ZNF644: variants seen among roughly 807,000 people sequenced by gnomAD.
The protein encoded by ZNF644 is zinc finger motif enhancer binding protein 2.
A neutral mutation model predicts 108.0 loss-of-function variants in ZNF644; 20 were observed. The observed-to-expected ratio is 0.19, with a 90% CI of 0.13 to 0.27. The LOEUF (loss-of-function observed/expected upper bound fraction) is 0.27. ZNF644 is among the 10% of genes least tolerant of loss of function. The probability of loss-of-function intolerance (pLI) is 1.00; values close to 1 mark genes in which losing one functional copy is unlikely to be tolerated. For synonymous variants in ZNF644, 542 were observed against 539.1 expected, an observed-to-expected ratio of 1.01 and a Z score of -0.08; for missense variants, 1,338 against 1,548.9, an observed-to-expected ratio of 0.86 and a Z score of 2.29.
rs1033944711 is a variant in ZNF644 at position 90,938,493 on chromosome 1, T to C, written c.2861A>G (p.His954Arg). The change falls in exon 3 of 6, where the codon CAT (histidine) becomes CGT (arginine). Residue 954 changes from histidine to arginine, a missense_variant. This residue lies in a region of ZNF644 where 462 missense variants were observed against 472.6 expected (regional missense o/e 0.98). Coordinates refer to ENST00000337393, the MANE Select transcript of ZNF644 (RefSeq NM_201269.3). The surrounding 1 kb of genome is among the most constrained non-coding windows in gnomAD (Gnocchi z 4.2). Reference sequence around the variant, plus strand: ...CTTCTCAAGAGACAAATCAGTCCAATGAAAAACAGAACTATGCTTTGACAA... The same window carrying C: ...CTTCTCAAGAGACAAATCAGTCCAACGAAAAACAGAACTATGCTTTGACAA... Reference protein sequence around the residue: ...ASLSKHSSVFHWTDLSLEKKS... With the variant: ...ASLSKHSSVFRWTDLSLEKKS... The C allele has an allele frequency of 1.9e-6, 3 of 1,614,008 alleles. No homozygotes were observed. Among genetic ancestry groups the C allele is most frequent in the Non-Finnish European group, 2.5e-6 (3 of 1,179,926 alleles).
chr1:90,937,373 C>A, intron 4 of ZNF644, 112 bp downstream of exon 4: 31 of 1,422,614 alleles, frequency 2.2e-5, no homozygotes, highest in African/African-American at 8.7e-5. Flanking sequence ...AAAAAAAAAG[C>A]AGCTTAAACA....
At position 91,003,872 on chromosome 1, in the gene ZNF644, AAAGT is replaced by A. The variant is rs1659142232; in HGVS notation, c.-18+18114_-18+18117del. 3.9e-5 allele frequency among the ~76,000 whole-genome samples: 6 copies of A among 152,204 alleles called. No individual in the cohort carries two copies. In the South Asian group the frequency reaches 1.2e-3, roughly 32 times the overall value. ...AAACCCATGTCTAAAAAACTAAAAGAAAGTATGAGAATATCAATAAAAGATAAAA... is the reference window on the plus strand; with the variant it reads ...AAACCCATGTCTAAAAAACTAAAAGAATGAGAATATCAATAAAAGATAAAA... On this transcript the variant is annotated intron_variant, in intron 1 of 5. Coordinates refer to ENST00000337393, the MANE Select transcript of ZNF644 (RefSeq NM_201269.3).
At chr1:91,013,476 C>T (rs997542595) in intron 1 of ZNF644, among the ~76,000 whole-genome samples, 2 of 148,480 alleles carry the variant, frequency 1.3e-5, no homozygotes, top group Non-Finnish European at 3.0e-5. Context: ...CACACACACA[C>T]ACACACATAC....
intron 4 of ZNF644, among the ~76,000 whole-genome samples, chr1:90,930,664 AAG>A (rs1268963086): frequency 6.6e-6 from 1 of 152,240 alleles, no homozygotes; most frequent in Non-Finnish European, 1.5e-5. Context: ...TATAATAAAA[AAG>A]AAAATATTAA....
At chr1:90,943,408 T>A (rs1652204967) in intron 2 of ZNF644, among the ~76,000 whole-genome samples, 1 of 152,112 alleles carries the variant, frequency 6.6e-6, no homozygotes, top group Admixed American at 6.5e-5. Context: ...GCCATTGCAC[T>A]CCAGCCTGTG....
Position 90,940,528 on chromosome 1 carries a change from C to A in ZNF644, c.826G>T (p.Val276Leu). ...TTAGAATGAGGTGGAGCTTTATCTA[C>A]TGTTTCCTCATTAGTCATAAGAAAT... ...IQFLMTNEET[V>L]DKAPPHSKIG... Residue 276 changes from valine (V) to leucine (L), a missense_variant, in exon 3 of 6, where the codon GTA (valine) becomes TTA (leucine). Val to Leu is a conservative substitution (Grantham distance 32). Transcript: ENST00000337393. The A allele has an allele frequency of 6.2e-7, 1 of 1,613,804 alleles. No homozygotes were observed. The highest frequency in any genetic ancestry group is 1.1e-5 in the South Asian group (1 of 91,072).
intron 2 of ZNF644, among the ~76,000 whole-genome samples, chr1:90,976,314 C>T (rs937319249): frequency 6.6e-6 from 1 of 152,172 alleles, no homozygotes; most frequent in African/African-American, 2.4e-5. Context: ...GTATTGTGTT[C>T]ATCACTTGTA....
chr1:90,953,002 A>G (rs1325313954), intron 2 of ZNF644, among the ~76,000 whole-genome samples: 2 of 148,832 alleles, frequency 1.3e-5, no homozygotes, highest in African/African-American at 2.5e-5. Context: ...AGAGACAACA[A>G]TTAGACTGAG....
chr1:90,945,856 C>CT (rs1368519773), intron 2 of ZNF644, among the ~76,000 whole-genome samples: 1 of 151,942 alleles, frequency 6.6e-6, no homozygotes, highest in Non-Finnish European at 1.5e-5. Flanking sequence ...TAATGCCAAC[C>CT]TTTGTTGTGT....
intron 2 of ZNF644, among the ~76,000 whole-genome samples, chr1:90,953,092 C>T (rs1025193900): frequency 7.3e-5 from 11 of 150,684 alleles, no homozygotes; most frequent in East Asian, 3.9e-4. Flanking sequence ...TCTGTCACAA[C>T]GTTGCCTTAA....
intron 1 of ZNF644, among the ~76,000 whole-genome samples, chr1:91,004,019 C>T (rs991784528): frequency 1.3e-5 from 2 of 151,900 alleles, no homozygotes; most frequent in African/African-American, 2.4e-5. Context: ...GTCTGAGGAA[C>T]AGAAAGAAAA....
intron 1 of ZNF644, among the ~76,000 whole-genome samples, chr1:90,987,044 T>C (rs967964134): frequency 2.7e-5 from 4 of 149,774 alleles, no homozygotes; most frequent in Non-Finnish European, 5.9e-5. Flanking sequence ...AGGTTTATGG[T>C]AGCAAAAGCT....
Position 90,916,999 on chromosome 1 carries a change from A to C in ZNF644, c.3792-9T>G, listed in dbSNP as rs1648835312. ...AGACTAGGCCACAAAACCTACAGAA[A>C]GATAACAATTCTCTTAACATGACCA... On this transcript the variant is annotated splice_polypyrimidine_tract_variant and intron_variant, in intron 5 of 5. Coordinates refer to ENST00000337393, the MANE Select transcript of ZNF644 (RefSeq NM_201269.3). The C allele has an allele frequency of 6.2e-7, 1 of 1,613,988 alleles. No individual in the cohort carries two copies. Among genetic ancestry groups the C allele is most frequent in the African/African-American group, 1.3e-5 (1 of 74,946 alleles).
intron 4 of ZNF644, among the ~76,000 whole-genome samples, chr1:90,926,801 G>A (rs1169568552): frequency 6.6e-6 from 1 of 151,836 alleles, no homozygotes; most frequent in Non-Finnish European, 1.5e-5. Flanking sequence ...CACTGACCTG[G>A]TACAGGACTC....
Position 90,918,072 on chromosome 1 carries a change from C to A in ZNF644, c.3771G>T (p.Glu1257Asp). 1 of 1,614,012 alleles carries A rather than the reference C, an allele frequency of 6.2e-7. No individual in the cohort carries two copies. Residue 1257 changes from glutamate to aspartate, a missense_variant, in exon 5 of 6, where the codon GAG (glutamate) becomes GAT (aspartate). Glu to Asp is a conservative substitution (Grantham distance 45, BLOSUM62 2). Coordinates refer to ENST00000337393, the MANE Select transcript of ZNF644 (RefSeq NM_201269.3). The stretch of plus-strand genomic sequence containing the variant: ...TATACCTGCATCGGAGAATGTAAAC[C>A]TCGTCAGCACCATGAGGTAATGTTA... ...KMLTLPHGAD[E>D]VYILRCRFCG...
chr1:91,002,176 T>G (rs920162893), intron 1 of ZNF644, among the ~76,000 whole-genome samples: 1 of 152,126 alleles, frequency 6.6e-6, no homozygotes, highest in Non-Finnish European at 1.5e-5. Context: ...TGGAAAAAAC[T>G]ACTTTAAAGT....
chr1:90,959,307 C>T (rs895108324), intron 2 of ZNF644, among the ~76,000 whole-genome samples: 2 of 152,122 alleles, frequency 1.3e-5, no homozygotes, highest in Non-Finnish European at 2.9e-5. Context: ...TCATACACTG[C>T]TGGTGGGATA....
chr1:90,994,166 T>C (rs894864705), intron 1 of ZNF644, among the ~76,000 whole-genome samples: 15 of 152,212 alleles, frequency 9.9e-5, no homozygotes, highest in African/African-American at 3.4e-4. Flanking sequence ...ATGAGAACGA[T>C]GTAGGTTAGA....
At chr1:90,995,985 T>C (rs572203915) in intron 1 of ZNF644, among the ~76,000 whole-genome samples, 42 of 152,286 alleles carry the variant, frequency 2.8e-4, no homozygotes, top group Admixed American at 4.6e-4. Flanking sequence ...ACCCAGTCTA[T>C]AGTACTTGTT....
Sources: gnomAD v4.1 joint callset for allele counts (sites outside exome capture counted in the v4.1 genomes callset) on GRCh38, gnomAD v4.1.1 for gene constraint, gnomAD v4.1.1 regional missense constraint, Gnocchi (gnomAD v3.1) non-coding constraint, MANE v1.5 for transcripts, NCBI Gene and HGNC (gene_info 2026-07-23, HGNC 2026-07-21) for gene names.